ANKS1B: variants seen among roughly 807,000 people sequenced by gnomAD.
The protein encoded by ANKS1B is ankyrin repeat and sterile alpha motif domain containing 1B.
A neutral mutation model predicts 148.3 loss-of-function variants in ANKS1B; 36 were observed. The observed-to-expected ratio is 0.24, with a 90% confidence interval of 0.19 to 0.32. ANKS1B has a LOEUF of 0.32. Ranked by LOEUF, ANKS1B falls within the 10% of genes least tolerant of loss-of-function variation. ANKS1B has a pLI of 1.00. For missense variants in ANKS1B, 1,157 were observed against 1,542.6 expected (o/e 0.75, Z 4.19); for synonymous variants, 542 against 560.8 (o/e 0.97, Z 0.47).
intron 9 of ANKS1B, among the ~76,000 whole-genome samples, chr12:99,528,432 C>CAA (rs537716638): frequency 0.096 from 9,282 of 96,470 alleles, 444 homozygotes; most frequent in East Asian, 0.33. Context: ...AAAACAAAAA[C>CAA]AAAAAAAAAA....
intron 17 of ANKS1B, among the ~76,000 whole-genome samples, chr12:98,892,117 T>G (rs924068013): frequency 5.9e-5 from 9 of 152,224 alleles, no homozygotes; most frequent in Admixed American, 5.2e-4. Context: ...TACTATGACA[T>G]ATGTTGATGC....
At chr12:99,444,888 TTCA>T (rs553929834) in intron 10 of ANKS1B, among the ~76,000 whole-genome samples, 168 of 152,052 alleles carry the variant, frequency 1.1e-3, no homozygotes, top group Admixed American at 4.9e-3. Context: ...AATACAGGAA[TTCA>T]TCAAGGCATC....
At chr12:99,517,860 T>C (rs1164122949) in intron 9 of ANKS1B, among the ~76,000 whole-genome samples, 2 of 152,186 alleles carry the variant, frequency 1.3e-5, no homozygotes, top group Non-Finnish European at 2.9e-5. Flanking sequence ...GGGTCTGTCA[T>C]ATATAGCTCT....
At chr12:99,183,869 C>A (rs1043656332) in intron 14 of ANKS1B, among the ~76,000 whole-genome samples, 1 of 152,112 alleles carries the variant, frequency 6.6e-6, no homozygotes, top group Non-Finnish European at 1.5e-5. Flanking sequence ...GAAGGACTGA[C>A]AATCTATGAA....
chr12:99,648,649 A>C lies in ANKS1B; in HGVS notation c.1272+6418T>G, dbSNP rs762363352. The C allele has an allele frequency of 1.9e-6, 3 of 1,614,046 alleles. No individual in the cohort carries two copies. In the African/African-American group the frequency reaches 4.0e-5, roughly 22 times the overall value. On this transcript the variant is annotated intron_variant, in intron 9 of 26. Transcript: ENST00000683438. ...TCAGCTGTGTCCTCCATCGGATGCA[A>C]GTGAAGACCTTTTTGTTCACTGGGA...
intron 10 of ANKS1B, among the ~76,000 whole-genome samples, chr12:99,457,732 A>T (rs1017278084): frequency 6.6e-6 from 1 of 152,196 alleles, no homozygotes; most frequent in African/African-American, 2.4e-5. Context: ...AACATCACAA[A>T]CCTAAATATA....
At chr12:99,718,374 C>A (rs1020048730) in intron 8 of ANKS1B, among the ~76,000 whole-genome samples, 1 of 151,974 alleles carries the variant, frequency 6.6e-6, no homozygotes, top group African/African-American at 2.4e-5. Context: ...CTCTTGTATC[C>A]CCCCACCTTA....
chr12:99,154,687 A>C, intron 14 of ANKS1B: 2 of 1,436,962 alleles, frequency 1.4e-6, no homozygotes, highest in South Asian at 3.0e-5. Context: ...ACCAGGCAGC[A>C]GAAGAAGGCA....
chr12:99,629,787 A>G (rs2098140726), intron 9 of ANKS1B, among the ~76,000 whole-genome samples: 1 of 152,284 alleles, frequency 6.6e-6, no homozygotes, highest in African/African-American at 2.4e-5. Flanking sequence ...AGAGCCTACT[A>G]TAGTTCTGTC....
intron 12 of ANKS1B, among the ~76,000 whole-genome samples, chr12:99,279,216 G>A (rs2078069768): frequency 6.6e-6 from 1 of 152,106 alleles, no homozygotes; most frequent in Admixed American, 6.6e-5. Context: ...TTCTTTTCAG[G>A]CTGACATGGG....
intron 9 of ANKS1B, among the ~76,000 whole-genome samples, chr12:99,509,868 A>G (rs1013760099): frequency 1.3e-5 from 2 of 151,874 alleles, no homozygotes; most frequent in African/African-American, 4.8e-5. Flanking sequence ...GGACAGTCCA[A>G]CTCTTTTGTT....
rs759764657 is a variant in ANKS1B, at chr12:99,968,400, CA to C, written c.134+15703del. On this transcript the variant is annotated intron_variant, in intron 1 of 26. Coordinates refer to ENST00000683438, the MANE Select transcript of ANKS1B (RefSeq NM_001352186.2). ...TGAAATCCCGTCTCTACTAAAAATA[CA>C]AAAAAAAATAGCCCGGTGTGGTGGC... 2.0e-5 allele frequency among the ~76,000 whole-genome samples: 3 copies of C among 150,512 alleles called. No homozygotes were observed. In the East Asian group the frequency reaches 5.9e-4, roughly 29 times the overall value.
At chr12:99,899,984 C>T (rs1478666212) in intron 1 of ANKS1B, among the ~76,000 whole-genome samples, 3 of 151,768 alleles carry the variant, frequency 2.0e-5, no homozygotes, top group Admixed American at 2.0e-4. Context: ...CTGCAACCTC[C>T]GCTTCCCGGG....
At chr12:98,964,608 G>T (rs1205832790) in intron 17 of ANKS1B, among the ~76,000 whole-genome samples, 1 of 152,164 alleles carries the variant, frequency 6.6e-6, no homozygotes, top group Non-Finnish European at 1.5e-5. Flanking sequence ...ATATGCAATG[G>T]AGTGCTATCC....
At position 98,801,371 on chromosome 12, in the gene ANKS1B, C is replaced by T. The variant is rs915086660; in HGVS notation, c.3142-246G>A. Among the ~76,000 whole-genome samples, 3 of 150,786 alleles carry T rather than the reference C, an allele frequency of 2.0e-5. No homozygotes were observed. Among genetic ancestry groups the T allele is most frequent in the Non-Finnish European group, 2.9e-5 (2 of 68,030 alleles). ...TTTAGAATGACATCCTAAGCTAAGT[C>T]ACTTTAAAATAAAACATGAAGATAT... On this transcript the variant is annotated intron_variant, in intron 20 of 26. Transcript: ENST00000683438. The surrounding 1 kb of genome is among the most constrained non-coding windows in gnomAD (Gnocchi z 5.2).
At chr12:98,840,406 C>T (rs565674265) in intron 17 of ANKS1B, among the ~76,000 whole-genome samples, 3 of 152,198 alleles carry the variant, frequency 2.0e-5, no homozygotes, top group South Asian at 2.1e-4. Context: ...CAGATGCCAC[C>T]GAAATACAAC....
intron 9 of ANKS1B, among the ~76,000 whole-genome samples, chr12:99,528,747 A>G (rs868595353): frequency 1.3e-5 from 2 of 151,266 alleles, no homozygotes; most frequent in African/African-American, 4.8e-5. Context: ...GCAAGTACTG[A>G]TATGTTAAGC....
intron 12 of ANKS1B, among the ~76,000 whole-genome samples, chr12:99,333,857 T>TTG (rs2088127343): frequency 6.9e-6 from 1 of 145,766 alleles, no homozygotes; most frequent in African/African-American, 2.7e-5. Flanking sequence ...GTTCTCAGTT[T>TTG]TTTTTTTTTT....
chr12:99,679,502 G>A (rs1032177322), intron 8 of ANKS1B, among the ~76,000 whole-genome samples: 5 of 151,950 alleles, frequency 3.3e-5, no homozygotes, highest in Non-Finnish European at 7.4e-5. Flanking sequence ...TAGAAATAGG[G>A]TTTCACTATG....
Sources: gnomAD v4.1 joint callset for allele counts (sites outside exome capture counted in the v4.1 genomes callset) on GRCh38, gnomAD v4.1.1 for gene constraint, Gnocchi (gnomAD v3.1) non-coding constraint, MANE v1.5 for transcripts, NCBI Gene and HGNC (gene_info 2026-07-23, HGNC 2026-07-21) for gene names.